Variants in OSBPL10 observed in about 807,000 individuals in gnomAD.
OSBPL10 encodes oxysterol binding protein like 10.
OSBPL10 carries 49 observed loss-of-function variants against 81.7 expected under a neutral mutation model. That is an observed-to-expected ratio of 0.60 (90% CI 0.48 to 0.76). OSBPL10 has a LOEUF of 0.76. Ranked by LOEUF, OSBPL10 falls within the 30% of genes least tolerant of loss-of-function variation. The pLI, the probability that OSBPL10 is intolerant of heterozygous loss-of-function variation, is 0.00. For missense variants in OSBPL10, 923 were observed against 987.8 expected, an observed-to-expected ratio of 0.93 and a Z score of 0.88; for synonymous variants, 419 against 383.6, an observed-to-expected ratio of 1.09 and a Z score of -1.08.
chr3:31,876,426 G>T lies in OSBPL10; in HGVS notation c.537+7C>A. 1.2e-6 allele frequency: 2 copies of T among 1,603,652 alleles called. No homozygotes were observed. The highest frequency in any genetic ancestry group is 1.1e-5 in the South Asian group (1 of 90,822). On this transcript the variant is annotated splice_region_variant and intron_variant, in intron 3 of 11. Coordinates refer to ENST00000396556, the MANE Select transcript of OSBPL10 (RefSeq NM_017784.5). The stretch of plus-strand genomic sequence containing the variant: ...GAATGCCTCCTTCCTTTCTCACGGT[G>T]ACTTACCTTAGAATTCATTTCCATG...
At chr3:31,900,979 A>C (rs767423696) in intron 1 of OSBPL10, among the ~76,000 whole-genome samples, 1 of 152,368 alleles carries the variant, frequency 6.6e-6, no homozygotes, top group East Asian at 1.9e-4. Flanking sequence ...GGAAGCTGGG[A>C]AAATGCTGTG....
At chr3:31,786,855 T>C (rs570403192) in intron 4 of OSBPL10, among the ~76,000 whole-genome samples, 14 of 152,326 alleles carry the variant, frequency 9.2e-5, no homozygotes, top group African/African-American at 2.9e-4. Context: ...TAGACTTTTG[T>C]AGATATGAGC....
At chr3:32,043,066 G>GT (rs1699591616) in intron 2 of OSBPL10, among the ~76,000 whole-genome samples, 1 of 152,076 alleles carries the variant, frequency 6.6e-6, no homozygotes, top group African/African-American at 2.4e-5. Flanking sequence ...CCCCACCGTA[G>GT]TAAGTCTGAG....
intron 4 of OSBPL10, among the ~76,000 whole-genome samples, chr3:31,758,441 G>C (rs376813900): frequency 6.6e-6 from 1 of 152,256 alleles, no homozygotes; most frequent in East Asian, 1.9e-4. Flanking sequence ...GTCCAACTCC[G>C]TCTCTAACTG....
intron 3 of OSBPL10, among the ~76,000 whole-genome samples, chr3:31,854,570 T>A (rs1700859343): frequency 1.3e-5 from 2 of 152,338 alleles, no homozygotes; most frequent in South Asian, 2.1e-4. Context: ...ATTTTACAGT[T>A]TTATATAACA....
Position 31,661,881 on chromosome 3 carries a change from T to C in OSBPL10, c.*191A>G. 1 of 775,338 alleles carries C rather than the reference T, an allele frequency of 1.3e-6. No individual in the cohort carries two copies. The highest frequency in any genetic ancestry group is 2.0e-6 in the Non-Finnish European group (1 of 502,366). The allele number at this position is 775,338 out of a possible 1,614,324, so 48.0% of individuals were successfully genotyped here. A position where few individuals can be genotyped will look rare whatever the true frequency, so the allele number is the denominator to read the frequency against. The stretch of plus-strand genomic sequence containing the variant: ...TGTACACACACGTGCCCCGAATGGC[T>C]CTTGAATAAATTCATTCCTCTAGCA... On this transcript the variant is annotated 3_prime_UTR_variant, in exon 12 of 12. Transcript: ENST00000396556.
intron 2 of OSBPL10, chr3:31,990,487 G>T (rs1306718153): frequency 6.4e-7 from 1 of 1,554,022 alleles, no homozygotes; most frequent in African/African-American, 1.4e-5. Flanking sequence ...TTCAGCCCTT[G>T]TAATTCATAA....
At chr3:31,898,006 CAAAAAAAAAAAAAAAA>C (rs58479197) in intron 1 of OSBPL10, among the ~76,000 whole-genome samples, 21 of 62,480 alleles carry the variant, frequency 3.4e-4, no homozygotes, top group African/African-American at 8.7e-4. Flanking sequence ...AGAACTCTGT[CAAAAAAAAAAAAAAAA>C]AAAAAAAAAA....
intron 1 of OSBPL10, among the ~76,000 whole-genome samples, chr3:32,069,175 C>T (rs1355009131): frequency 6.6e-6 from 1 of 152,122 alleles, no homozygotes; most frequent in African/African-American, 2.4e-5. Context: ...TAAATATATA[C>T]AGGAATTCCG....
At chr3:32,070,737 T>C (rs1699822779) in intron 1 of OSBPL10, among the ~76,000 whole-genome samples, 1 of 152,204 alleles carries the variant, frequency 6.6e-6, no homozygotes, top group African/African-American at 2.4e-5. Flanking sequence ...ATCAACCAAA[T>C]TGTTTTGCCT....
intron 4 of OSBPL10, among the ~76,000 whole-genome samples, chr3:31,760,411 G>A (rs1697998569): frequency 6.6e-6 from 1 of 152,186 alleles, no homozygotes; most frequent in Admixed American, 6.5e-5. Flanking sequence ...ATCCATGTAT[G>A]CTCAAGCTCC....
intron 1 of OSBPL10, among the ~76,000 whole-genome samples, chr3:32,058,310 T>C (rs1486849757): frequency 2.6e-5 from 4 of 152,140 alleles, no homozygotes; most frequent in Non-Finnish European, 5.9e-5. Context: ...GGTTTCTCTG[T>C]ACTATTCTTT....
intron 1 of OSBPL10, among the ~76,000 whole-genome samples, chr3:31,891,653 G>C (rs1459505637): frequency 6.6e-6 from 1 of 152,188 alleles, no homozygotes; most frequent in Non-Finnish European, 1.5e-5. Flanking sequence ...CAACAAGACA[G>C]AACTTGAGAG....
At chr3:31,955,487 C>T (rs1697984053) in intron 1 of OSBPL10, among the ~76,000 whole-genome samples, 1 of 152,240 alleles carries the variant, frequency 6.6e-6, no homozygotes, top group Non-Finnish European at 1.5e-5. Flanking sequence ...GCAGCCACAG[C>T]TACCCAGCAA....
intron 2 of OSBPL10, among the ~76,000 whole-genome samples, chr3:31,988,194 G>C (rs1445933355): frequency 2.0e-5 from 3 of 152,154 alleles, no homozygotes; most frequent in East Asian, 3.8e-4. Context: ...ATTGTGTTTT[G>C]AGTGTGAAGG....
At chr3:32,029,812 A>G (rs2125551391) in intron 2 of OSBPL10, among the ~76,000 whole-genome samples, 1 of 152,328 alleles carries the variant, frequency 6.6e-6, no homozygotes, top group Admixed American at 6.5e-5. Flanking sequence ...AAAGACACAT[A>G]GTTTTTATTT....
At chr3:31,726,119 T>G (rs1349139264) in intron 6 of OSBPL10, among the ~76,000 whole-genome samples, 1 of 152,080 alleles carries the variant, frequency 6.6e-6, no homozygotes, top group East Asian at 1.9e-4. Context: ...AGTTCTGGTC[T>G]CTCTGGGATC....
chr3:31,930,009 A>AC (rs1697195760), intron 1 of OSBPL10, among the ~76,000 whole-genome samples: 1 of 149,480 alleles, frequency 6.7e-6, no homozygotes, highest in Non-Finnish European at 1.5e-5. Context: ...CAACCAAAAA[A>AC]AAAAAAAAAA....
chr3:31,684,310 G>A lies in OSBPL10; in HGVS notation c.1246-196C>T, dbSNP rs148918176. Among the ~76,000 whole-genome samples, 3 of 152,342 alleles carry A rather than the reference G, an allele frequency of 2.0e-5. No individual in the cohort carries two copies. In the East Asian group the frequency reaches 5.8e-4, roughly 29 times the overall value. On this transcript the variant is annotated intron_variant, in intron 7 of 11. Transcript: ENST00000396556. ...AATGAGAAGTGGCAGTGGAATCAAC[G>A]AGAGCCCAGCTTTGTGGACAAGACT...
Sources: allele counts gnomAD v4.1 joint callset (sites outside exome capture counted in the v4.1 genomes callset), GRCh38; gene constraint gnomAD v4.1.1; transcripts MANE v1.5; gene names NCBI Gene and HGNC (gene_info 2026-07-23, HGNC 2026-07-21).